WWC1: variants seen among roughly 807,000 people sequenced by gnomAD.
WWC1 encodes the protein WW and C2 domain containing 1.
In WWC1, 55 loss-of-function variants were observed where a neutral mutation model predicts 138.4. The ratio of observed to expected loss-of-function variants is 0.40; its 90% CI spans 0.32 to 0.50. The LOEUF (loss-of-function observed/expected upper bound fraction) is 0.50, where lower values mean the gene tolerates loss of function less well. WWC1 is among the 20% of genes least tolerant of loss of function. WWC1 has a pLI of 0.72. For synonymous variants in WWC1, 524 were observed against 564.9 expected, an observed-to-expected ratio of 0.93 and a Z score of 1.03; for missense variants, 1,226 against 1,420.4, an observed-to-expected ratio of 0.86 and a Z score of 2.20.
intron 17 of WWC1, among the ~76,000 whole-genome samples, chr5:168,452,474 G>A (rs1755919772): frequency 6.6e-6 from 1 of 152,190 alleles, no homozygotes; most frequent in Admixed American, 6.5e-5. Context: ...TGAGCACGCT[G>A]CAAGAAGGCA....
intron 1 of WWC1, among the ~76,000 whole-genome samples, chr5:168,305,679 A>G (rs1157920203): frequency 6.6e-6 from 1 of 152,140 alleles, no homozygotes; most frequent in African/African-American, 2.4e-5. Flanking sequence ...CCTTTCTACA[A>G]GGAGATGAGG....
intron 1 of WWC1, among the ~76,000 whole-genome samples, chr5:168,332,690 GT>G (rs1184174844): frequency 6.6e-6 from 1 of 151,742 alleles, no homozygotes; most frequent in African/African-American, 2.4e-5. Context: ...ACTTCTGTAT[GT>G]TTTTGGTTTT....
chr5:168,412,208 A>G (rs1479166625), intron 8 of WWC1: 1 of 985,220 alleles, frequency 1.0e-6, no homozygotes. Context: ...AGAGCTTCCT[A>G]GCTCATCTGA....
intron 6 of WWC1, 116 bp downstream of exon 6, chr5:168,406,443 A>C: frequency 6.9e-7 from 1 of 1,449,566 alleles, no homozygotes; most frequent in Non-Finnish European, 9.4e-7. Context: ...TCTCATTACC[A>C]GTCTTCCTGG....
intron 3 of WWC1, among the ~76,000 whole-genome samples, chr5:168,385,927 C>T (rs1448450938): frequency 6.6e-6 from 1 of 152,172 alleles, no homozygotes; most frequent in Non-Finnish European, 1.5e-5. Context: ...TACAGCCCTC[C>T]GTGGTCAGGC....
intron 3 of WWC1, among the ~76,000 whole-genome samples, chr5:168,389,255 C>G (rs964713793): frequency 6.6e-6 from 1 of 151,866 alleles, no homozygotes; most frequent in Admixed American, 6.6e-5. Flanking sequence ...GAGACCATCC[C>G]AGCCAACATG....
intron 5 of WWC1, among the ~76,000 whole-genome samples, chr5:168,403,015 T>TTTCTTTCTTTCTTTCTTTCTTTCC (rs1779442449): frequency 1.4e-5 from 1 of 73,586 alleles, no homozygotes; most frequent in African/African-American, 5.8e-5. Flanking sequence ...TTTTTCTTTC[T>TTTCTTTCTTTCTTTCTTTCTTTCC]TTCTTTCTTT....
intron 1 of WWC1, among the ~76,000 whole-genome samples, chr5:168,305,607 C>G (rs1033632709): frequency 3.9e-5 from 6 of 152,170 alleles, no homozygotes; most frequent in African/African-American, 1.4e-4. Context: ...CAGCAAACCA[C>G]TTAACCTTCC....
At chr5:168,306,753 C>T (rs1456940939) in intron 1 of WWC1, among the ~76,000 whole-genome samples, 2 of 152,126 alleles carry the variant, frequency 1.3e-5, no homozygotes, top group East Asian at 1.9e-4. Flanking sequence ...TGCACCACCA[C>T]ACCCAGCTAA....
intron 11 of WWC1, among the ~76,000 whole-genome samples, chr5:168,426,870 C>T (rs1251997064): frequency 1.3e-5 from 2 of 152,228 alleles, no homozygotes; most frequent in African/African-American, 4.8e-5. Context: ...TTCCCCGCTG[C>T]AAGGAGGGCA....
chr5:168,328,459 A>G (rs1772753567), intron 1 of WWC1, among the ~76,000 whole-genome samples: 1 of 152,180 alleles, frequency 6.6e-6, no homozygotes, highest in African/African-American at 2.4e-5. Flanking sequence ...GTCTGATTGG[A>G]TAGGAATGCC....
intron 1 of WWC1, among the ~76,000 whole-genome samples, chr5:168,300,400 G>T (rs1263272498): frequency 6.6e-6 from 1 of 151,982 alleles, no homozygotes; most frequent in East Asian, 1.9e-4. Flanking sequence ...AGGAGGGAAA[G>T]AAAAAGGACA....
At chr5:168,375,444 C>A (rs1777091558) in intron 2 of WWC1, among the ~76,000 whole-genome samples, 1 of 151,978 alleles carries the variant, frequency 6.6e-6, no homozygotes, top group African/African-American at 2.4e-5. Context: ...ACCTGGGTGA[C>A]CTGACTTTGG....
At chr5:168,410,112 T>G (rs1018461608) in intron 8 of WWC1, 117 bp downstream of exon 8, 114 of 1,019,396 alleles carry the variant, frequency 1.1e-4, no homozygotes, top group Non-Finnish European at 1.7e-4. Flanking sequence ...TCACAAAGAT[T>G]ATGAAGATAG....
rs79016875 is a variant in WWC1 at position 168,470,523 on chromosome 5, C to CAAAAAAAAAAAAA, written c.*1510_*1522dup. 1.2e-5 allele frequency: 1 copy of CAAAAAAAAAAAAA among 85,626 alleles called. No homozygotes were observed. The highest frequency in any genetic ancestry group is 2.4e-5 in the Non-Finnish European group (1 of 41,774). The allele number at this position is 85,626 out of a possible 1,614,324, so 5.3% of individuals were successfully genotyped here. A position where few individuals can be genotyped will look rare whatever the true frequency, so the allele number is the denominator to read the frequency against. On this transcript the variant is annotated 3_prime_UTR_variant, in exon 23 of 23. Transcript: ENST00000265293. ...TGGGTGACAGAGCAAGACTCCGTCTCAAAAAAAAAAAAAAAAGAAAAATGC... is the reference window on the plus strand; with the variant it reads ...TGGGTGACAGAGCAAGACTCCGTCTCAAAAAAAAAAAAAAAAAAAAAAAAAAAAAGAAAAATGC...
intron 1 of WWC1, among the ~76,000 whole-genome samples, chr5:168,341,337 C>T (rs1210466114): frequency 1.3e-5 from 2 of 152,082 alleles, no homozygotes; most frequent in African/African-American, 4.8e-5. Flanking sequence ...TTAAAGGATG[C>T]AAGACTCGAG....
chr5:168,448,794 G>A lies in WWC1; in HGVS notation c.2525+4209G>A, dbSNP rs187190742. Among the ~76,000 whole-genome samples, 677 of 151,852 alleles carry A rather than the reference G, an allele frequency of 4.5e-3. 4 individuals are homozygous for A. The highest frequency in any genetic ancestry group is 7.1e-3 in the Non-Finnish European group (481 of 67,910). ...CCGCCATGCCCAGCTAATTTTTTGT[G>A]TTTTTTAGTAGAGATGGGGTTTCAC... is the stretch of plus-strand genomic sequence containing the variant. On this transcript the variant is annotated intron_variant, in intron 17 of 22. Coordinates refer to ENST00000265293, the MANE Select transcript of WWC1 (RefSeq NM_015238.3).
intron 3 of WWC1, among the ~76,000 whole-genome samples, chr5:168,393,604 T>C (rs1433399062): frequency 3.3e-5 from 5 of 152,236 alleles, no homozygotes; most frequent in Non-Finnish European, 5.9e-5. Flanking sequence ...TCATGGTTTC[T>C]TTCTCAAGAA....
intron 1 of WWC1, among the ~76,000 whole-genome samples, chr5:168,334,624 T>C (rs1316052202): frequency 6.6e-6 from 1 of 152,218 alleles, no homozygotes; most frequent in Non-Finnish European, 1.5e-5. Flanking sequence ...TTTCTGTGTC[T>C]GCCTTCTCTA....
Sources: allele counts gnomAD v4.1 joint callset (sites outside exome capture counted in the v4.1 genomes callset), GRCh38; gene constraint gnomAD v4.1.1; transcripts MANE v1.5; gene names NCBI Gene and HGNC (gene_info 2026-07-23, HGNC 2026-07-21).